AP2B1: variants seen among roughly 807,000 people sequenced by gnomAD.
AP2B1 encodes AP-2 complex subunit beta.
A neutral mutation model predicts 102.0 loss-of-function variants in AP2B1; 23 were observed. The observed-to-expected ratio is 0.23, with a 90% confidence interval of 0.16 to 0.32. The LOEUF is 0.32. Among genes scored for constraint, AP2B1 ranks in the 10% least tolerant of loss-of-function variants. The pLI is 1.00. For missense variants in AP2B1, 541 were observed against 1,157.4 expected (o/e 0.47, Z 7.73); for synonymous variants, 381 against 421.2 (o/e 0.90, Z 1.17).
chr17:35,601,155 A>C, intron 3 of AP2B1: 2 of 191,490 alleles, frequency 1.0e-5, no homozygotes, highest in Non-Finnish European at 1.9e-5. Flanking sequence ...AGGTACTTAC[A>C]TAACAAGAGA....
chr17:35,717,629 T>G (rs915272496), intron 21 of AP2B1, among the ~76,000 whole-genome samples: 9 of 152,200 alleles, frequency 5.9e-5, no homozygotes, highest in African/African-American at 1.9e-4. Context: ...AGCTTCATCC[T>G]CAATATCAGT....
chr17:35,597,213 T>G, intron 2 of AP2B1: 1 of 424,790 alleles, frequency 2.4e-6, no homozygotes, highest in Non-Finnish European at 4.4e-6. Context: ...GGAAAGTCTT[T>G]TGAGGCAGTA....
chr17:35,681,184 G>A (rs1349650162), intron 17 of AP2B1, among the ~76,000 whole-genome samples: 1 of 152,078 alleles, frequency 6.6e-6, no homozygotes, highest in Admixed American at 6.5e-5. Flanking sequence ...AAGTGGCCAT[G>A]TTTGGCTCTA....
intron 14 of AP2B1, among the ~76,000 whole-genome samples, chr17:35,667,933 A>T (rs201995590): frequency 2.5e-5 from 3 of 120,176 alleles, no homozygotes; most frequent in Admixed American, 9.0e-5. Flanking sequence ...CGCTGCTCAA[A>T]TTTTTTTTTT....
intron 5 of AP2B1, 134 bp downstream of exon 5, chr17:35,608,521 A>C: frequency 2.0e-5 from 22 of 1,106,236 alleles, no homozygotes; most frequent in Non-Finnish European, 2.7e-5. Flanking sequence ...TGTGTGTCTC[A>C]CAGATTGTAT....
intron 20 of AP2B1, among the ~76,000 whole-genome samples, chr17:35,710,954 C>T (rs963137389): frequency 2.6e-5 from 4 of 152,156 alleles, no homozygotes; most frequent in Admixed American, 6.5e-5. Flanking sequence ...TGCCCTGTGC[C>T]ACCTTTCATA....
intron 11 of AP2B1, among the ~76,000 whole-genome samples, chr17:35,640,227 A>G (rs543711513): frequency 0.02 from 1,224 of 60,558 alleles, 11 homozygotes; most frequent in African/African-American, 0.071. Flanking sequence ...AGTTTTACTG[A>G]TTTTTTTTTT....
chr17:35,615,098 T>C (rs1463254243), intron 5 of AP2B1, among the ~76,000 whole-genome samples: 2 of 152,102 alleles, frequency 1.3e-5, no homozygotes, highest in African/African-American at 2.4e-5. Flanking sequence ...CAGCAGTAAA[T>C]GTTAATAATG....
intron 13 of AP2B1, among the ~76,000 whole-genome samples, chr17:35,653,218 T>G (rs2075133038): frequency 6.6e-6 from 1 of 152,186 alleles, no homozygotes; most frequent in Admixed American, 6.5e-5. Context: ...GATCCTTGCT[T>G]TAATAAAACC....
intron 12 of AP2B1, among the ~76,000 whole-genome samples, 156 bp downstream of exon 12, chr17:35,642,131 T>C (rs532209124): frequency 3.9e-5 from 6 of 152,362 alleles, no homozygotes; most frequent in Middle Eastern, 3.4e-3. Context: ...CCTTTTTACG[T>C]GTTCAACTGA....
intron 12 of AP2B1, 71 bp downstream of exon 12, chr17:35,642,046 C>A: frequency 1.7e-6 from 2 of 1,145,120 alleles, no homozygotes; most frequent in South Asian, 1.4e-5. Flanking sequence ...GAAACTCTTC[C>A]TAGGGGATTC....
intron 17 of AP2B1, among the ~76,000 whole-genome samples, chr17:35,680,942 G>A (rs759991645): frequency 4.6e-5 from 7 of 151,906 alleles, no homozygotes; most frequent in Non-Finnish European, 7.4e-5. Context: ...TGATCCGCCC[G>A]CTGCAGCCTC....
intron 18 of AP2B1, among the ~76,000 whole-genome samples, chr17:35,708,432 G>A (rs1555585873): frequency 6.6e-6 from 1 of 151,478 alleles, no homozygotes; most frequent in African/African-American, 2.4e-5. Context: ...AGTACTTACT[G>A]TAGCTTTAAA....
intron 14 of AP2B1, among the ~76,000 whole-genome samples, chr17:35,661,926 T>A (rs532612115): frequency 6.6e-6 from 1 of 152,360 alleles, no homozygotes; most frequent in Admixed American, 6.5e-5. Flanking sequence ...TAACAGTATT[T>A]ACTTTTGCTC....
intron 17 of AP2B1, among the ~76,000 whole-genome samples, chr17:35,681,424 G>A (rs932187539): frequency 4.6e-5 from 7 of 152,206 alleles, no homozygotes; most frequent in Admixed American, 2.0e-4. Flanking sequence ...TTTAAAGACA[G>A]GGTGTCGCTC....
intron 13 of AP2B1, among the ~76,000 whole-genome samples, chr17:35,651,828 G>A (rs2142835738): frequency 6.6e-6 from 1 of 152,250 alleles, no homozygotes; most frequent in East Asian, 1.9e-4. Context: ...AGCTTCATAA[G>A]GATTAGTCTT....
chr17:35,671,786 T>A lies in AP2B1; in HGVS notation c.2064T>A (p.Pro688=). 1 of 1,613,926 alleles carries A rather than the reference T, an allele frequency of 6.2e-7. No homozygotes were observed. Among genetic ancestry groups the A allele is most frequent in the Non-Finnish European group, 8.5e-7 (1 of 1,179,868 alleles). The change falls in exon 16 of 22, where the codon CCT becomes CCA. Residue 688 remains proline, a synonymous_variant. Coordinates refer to ENST00000610402, the MANE Select transcript of AP2B1 (RefSeq NM_001030006.2). ...VGQSFIPSSV[P]ATFAPSPTPA... ...AATCCTTCATCCCATCATCGGTGCC[T>A]GCAACCTTTGCTCCTTCACCTACAC...
chr17:35,589,688 G>A (rs1027509642), intron 1 of AP2B1, among the ~76,000 whole-genome samples: 8 of 152,172 alleles, frequency 5.3e-5, no homozygotes, highest in African/African-American at 1.7e-4. Flanking sequence ...CAGCTTTGTT[G>A]TTTAACAGTG....
rs139800084 is a variant in AP2B1 at position 35,662,565 on chromosome 17, T to G, written c.1989+4774T>G. 2.7e-3 allele frequency among the ~76,000 whole-genome samples: 404 copies of G among 150,270 alleles called. 4 individuals are homozygous for G. The highest frequency in any genetic ancestry group is 9.3e-3 in the African/African-American group (381 of 40,884). ...TTTTTTTTTTTTATGACTCTGGTAC[T>G]TAATCTAAGAAACTGCTCGTTCTGA... On this transcript the variant is annotated intron_variant, in intron 14 of 21. Coordinates refer to ENST00000610402, the MANE Select transcript of AP2B1 (RefSeq NM_001030006.2).
Sources: allele counts gnomAD v4.1 joint callset (sites outside exome capture counted in the v4.1 genomes callset), GRCh38; gene constraint gnomAD v4.1.1; transcripts MANE v1.5; gene names NCBI Gene and HGNC (gene_info 2026-07-23, HGNC 2026-07-21).